F5: variants seen among roughly 807,000 people sequenced by gnomAD.
The protein encoded by F5 is activated protein c cofactor.
A neutral mutation model predicts 216.4 loss-of-function variants in F5; 138 were observed. The ratio of observed to expected loss-of-function variants is 0.64; its 90% confidence interval spans 0.56 to 0.73. F5 has a LOEUF of 0.73. F5 is among the 30% of genes least tolerant of loss of function. The pLI is 0.00. For missense variants in F5, 2,403 were observed against 2,674.0 expected (o/e 0.90, Z 2.24); for synonymous variants, 916 against 930.7 (o/e 0.98, Z 0.29).
intron 2 of F5, among the ~76,000 whole-genome samples, chr1:169,575,167 C>T (rs951657182): frequency 6.6e-6 from 1 of 152,144 alleles, no homozygotes; most frequent in African/African-American, 2.4e-5. Flanking sequence ...GGAATTAATC[C>T]TTTAACTGAG....
chr1:169,523,966 G>T, intron 19 of F5, 62 bp from the exon 20 acceptor site: 1 of 1,412,616 alleles, frequency 7.1e-7, no homozygotes, highest in Non-Finnish European at 1.0e-6. Flanking sequence ...AATTTCTCAA[G>T]TGAGTTTAAT....
intron 11 of F5, among the ~76,000 whole-genome samples, chr1:169,544,793 G>T (rs1057060832): frequency 1.6e-4 from 24 of 152,210 alleles, no homozygotes; most frequent in African/African-American, 5.3e-4. Flanking sequence ...AATATTTTGT[G>T]CTCCATTCTC....
chr1:169,553,552 C>CA (rs1660227612), intron 7 of F5, among the ~76,000 whole-genome samples: 1 of 152,238 alleles, frequency 6.6e-6, no homozygotes, highest in Non-Finnish European at 1.5e-5. Flanking sequence ...ACTAAAAATA[C>CA]AAAAAATTAT....
At chr1:169,573,844 C>G (rs1199795289) in intron 2 of F5, among the ~76,000 whole-genome samples, 3 of 152,124 alleles carry the variant, frequency 2.0e-5, no homozygotes, top group African/African-American at 4.8e-5. Context: ...CAAATTCTGT[C>G]TGGGGAGTTA....
intron 4 of F5, among the ~76,000 whole-genome samples, chr1:169,559,988 G>A (rs1406564792): frequency 3.9e-5 from 6 of 152,060 alleles, no homozygotes; most frequent in Admixed American, 3.9e-4. Flanking sequence ...AAGATGGGCT[G>A]GATTCTCATG....
chr1:169,581,944 A>T (rs931554813), intron 2 of F5, among the ~76,000 whole-genome samples: 1 of 152,224 alleles, frequency 6.6e-6, no homozygotes, highest in African/African-American at 2.4e-5. Context: ...GCGAAGGCAC[A>T]TCTATGCTCA....
At chr1:169,569,810 A>G (rs1244798285) in intron 3 of F5, among the ~76,000 whole-genome samples, 1 of 152,004 alleles carries the variant, frequency 6.6e-6, no homozygotes, top group African/African-American at 2.4e-5. Context: ...CCTACCACCT[A>G]TCTCTCAAAT....
At chr1:169,558,890 T>C (rs1660391972) in intron 5 of F5, among the ~76,000 whole-genome samples, 1 of 152,158 alleles carries the variant, frequency 6.6e-6, no homozygotes, top group African/African-American at 2.4e-5. Context: ...GCTGAGCTGA[T>C]ACCTTAAGGT....
In F5 at chr1:169,541,865, T is replaced by C; in HGVS notation, c.3225A>G (p.Glu1075=). 1 of 1,614,108 alleles carries C rather than the reference T, an allele frequency of 6.2e-7. No individual in the cohort carries two copies. Among genetic ancestry groups the C allele is most frequent in the Non-Finnish European group, 8.5e-7 (1 of 1,179,980 alleles). ...KHSLVLHKSN[E]TSLPTDLNQT... Reference sequence around the variant, plus strand: ...GATTGAGGTCTGTGGGAAGAGATGTTTCATTGGATTTATGAAGCACCAACG... The same window carrying C: ...GATTGAGGTCTGTGGGAAGAGATGTCTCATTGGATTTATGAAGCACCAACG... Residue 1075 remains glutamate, a synonymous_variant, in exon 13 of 25, where the codon GAA becomes GAG. Coordinates refer to ENST00000367797, the MANE Select transcript of F5 (RefSeq NM_000130.5).
chr1:169,565,006 T>C (rs1284494309), intron 3 of F5, among the ~76,000 whole-genome samples: 3 of 152,072 alleles, frequency 2.0e-5, no homozygotes, highest in Non-Finnish European at 4.4e-5. Flanking sequence ...TCATACGTCT[T>C]TTCTCTTGTT....
chr1:169,515,696 A>G (rs1222348852), intron 23 of F5, 70 bp from the exon 24 acceptor site: 1 of 1,515,468 alleles, frequency 6.6e-7, no homozygotes, highest in African/African-American at 1.4e-5. Flanking sequence ...AGACCAAGTT[A>G]TGCAAAAAAG....
intron 2 of F5, among the ~76,000 whole-genome samples, chr1:169,578,164 T>G (rs1660907086): frequency 1.3e-5 from 2 of 152,180 alleles, no homozygotes; most frequent in Admixed American, 6.5e-5. Context: ...CTCCTGCACT[T>G]CATAAGTTCA....
chr1:169,527,059 C>T (rs9332698), intron 17 of F5, among the ~76,000 whole-genome samples: 58 of 152,152 alleles, frequency 3.8e-4, no homozygotes, highest in Admixed American at 1.1e-3. Context: ...AAAGTGCTGT[C>T]GAGGGGCTGC....
chr1:169,578,917 G>C (rs1660925659), intron 2 of F5, among the ~76,000 whole-genome samples: 1 of 152,072 alleles, frequency 6.6e-6, no homozygotes, highest in African/African-American at 2.4e-5. Context: ...TCTCTCAGAT[G>C]TTTTATCCCC....
chr1:169,580,495 T>C (rs1660963804), intron 2 of F5, among the ~76,000 whole-genome samples: 4 of 151,714 alleles, frequency 2.6e-5, no homozygotes, highest in Admixed American at 2.6e-4. Context: ...GTGATTCTCA[T>C]GTCTCAGCCT....
intron 2 of F5, among the ~76,000 whole-genome samples, chr1:169,580,780 T>C (rs1436436712): frequency 2.0e-5 from 3 of 152,242 alleles, no homozygotes; most frequent in East Asian, 1.9e-4. Flanking sequence ...AGTGGAGAAA[T>C]ATAGATATAT....
chr1:169,525,643 T>C (rs113435059), intron 18 of F5, among the ~76,000 whole-genome samples: 147 of 152,336 alleles, frequency 9.6e-4, no homozygotes, highest in African/African-American at 3.3e-3. Flanking sequence ...ATTTCTTATA[T>C]GCACTTGTCC....
intron 1 of F5, among the ~76,000 whole-genome samples, chr1:169,584,046 A>G (rs1405931268): frequency 1.3e-5 from 2 of 152,188 alleles, no homozygotes; most frequent in Non-Finnish European, 1.5e-5. Context: ...GTGGAAGTCC[A>G]TTTTTATTTA....
At chr1:169,550,270 T>TCCCCC (rs1272186330) in intron 9 of F5, among the ~76,000 whole-genome samples, 2 of 88,930 alleles carry the variant, frequency 2.2e-5, no homozygotes, top group Non-Finnish European at 2.2e-5. Flanking sequence ...CCTAATGCTA[T>TCCCCC]CCCTCCCCCC....
Sources: gnomAD v4.1 joint callset for allele counts (sites outside exome capture counted in the v4.1 genomes callset) on GRCh38, gnomAD v4.1.1 for gene constraint, MANE v1.5 for transcripts, NCBI Gene and HGNC (gene_info 2026-07-23, HGNC 2026-07-21) for gene names.